DCDC2C: variants seen among roughly 807,000 people sequenced by gnomAD.
The protein encoded by DCDC2C is doublecortin domain containing 2C, also known as doublecortin domain-containing protein 2C.
Under a neutral mutation model 45.0 loss-of-function variants are expected in DCDC2C, and 44 were observed. The observed-to-expected ratio is 0.98, with a 90% confidence interval of 0.77 to 1.26. The LOEUF (loss-of-function observed/expected upper bound fraction) is 1.26, where lower values mean the gene tolerates loss of function less well. Ranked by LOEUF, DCDC2C falls within the 50% of genes most tolerant of loss-of-function variation. DCDC2C has a pLI of 0.00. For missense variants in DCDC2C, 447 were observed against 468.9 expected (o/e 0.95, Z 0.43); for synonymous variants, 187 against 178.8 (o/e 1.05, Z -0.37).
chr2:3,842,869 T>C (rs1288928241), intron 10 of DCDC2C, among the ~76,000 whole-genome samples: 3 of 152,044 alleles, frequency 2.0e-5, no homozygotes, highest in Admixed American at 6.6e-5. Context: ...TACCCAGCCA[T>C]CTCAGCCCAG....
At position 3,797,895 on chromosome 2, in the gene DCDC2C, C is replaced by G. The variant is rs1365731019; in HGVS notation, c.1065+12795C>G. On this transcript the variant is annotated intron_variant, in intron 10 of 10. Coordinates refer to ENST00000399143, the MANE Select transcript of DCDC2C (RefSeq NM_001287444.2). ...TAGATGTCTATTAGGTCCGCTCAGT[C>G]CAGAGCTGAGTTCAATTCCTGGGTA... Among the ~76,000 whole-genome samples the G allele has an allele frequency of 8.0e-4, 108 of 134,682 alleles. 1 individual carries two copies. The highest frequency in any genetic ancestry group is 1.2e-3 in the Admixed American group (15 of 12,744). 88.4% of individuals were successfully genotyped at this position (134,682 alleles called of 152,430 possible). A position where few individuals can be genotyped will look rare whatever the true frequency, so the allele number is the denominator to read the frequency against.
intron 10 of DCDC2C, among the ~76,000 whole-genome samples, chr2:3,799,149 C>T (rs1162053236): frequency 6.6e-6 from 1 of 152,170 alleles, no homozygotes; most frequent in African/African-American, 2.4e-5. Flanking sequence ...ACCCTTTCTT[C>T]CAGTTGATCG....
chr2:3,712,927 C>G (rs1668252517), intron 2 of DCDC2C, among the ~76,000 whole-genome samples: 1 of 152,184 alleles, frequency 6.6e-6, no homozygotes, highest in Non-Finnish European at 1.5e-5. Flanking sequence ...AGCATGTTTT[C>G]ACACCTATAG....
At chr2:3,766,901 G>T (rs1670027716) in intron 6 of DCDC2C, among the ~76,000 whole-genome samples, 1 of 152,228 alleles carries the variant, frequency 6.6e-6, no homozygotes, top group African/African-American at 2.4e-5. Flanking sequence ...TTGACTGTTT[G>T]ATGGTGCCAA....
chr2:3,818,518 G>A lies in DCDC2C; in HGVS notation c.1066-28636G>A, dbSNP rs1671608426. Among the ~76,000 whole-genome samples, 1 of 152,176 alleles carries A rather than the reference G, an allele frequency of 6.6e-6. No homozygotes were observed. Among genetic ancestry groups the A allele is most frequent in the Non-Finnish European group, 1.5e-5 (1 of 68,038 alleles). On this transcript the variant is annotated intron_variant, in intron 10 of 10. Coordinates refer to ENST00000399143, the MANE Select transcript of DCDC2C (RefSeq NM_001287444.2). This position sits in a 1 kb window ranked among gnomAD's most constrained non-coding sequence, Gnocchi z 4.7. The stretch of plus-strand genomic sequence containing the variant: ...GGGCAGATCCTGAACTAACATGTAA[G>A]GCTTGTCCAGTTTTTGGACAGGTAC...
At chr2:3,771,851 C>A (rs1180061385) in intron 8 of DCDC2C, among the ~76,000 whole-genome samples, 1 of 152,218 alleles carries the variant, frequency 6.6e-6, no homozygotes, top group East Asian at 1.9e-4. Flanking sequence ...ACTGGCATAC[C>A]CATGGACACA....
chr2:3,779,343 T>C (rs1670445273), intron 9 of DCDC2C, among the ~76,000 whole-genome samples: 5 of 152,192 alleles, frequency 3.3e-5, no homozygotes, highest in Admixed American at 3.3e-4. Flanking sequence ...TGTGTGCAGA[T>C]GGCAGTGGAA....
At chr2:3,735,620 C>G (rs564377657) in intron 3 of DCDC2C, among the ~76,000 whole-genome samples, 1 of 152,234 alleles carries the variant, frequency 6.6e-6, no homozygotes, top group African/African-American at 2.4e-5. Flanking sequence ...CTCAGTAAAT[C>G]CTTGAGGCAT....
intron 10 of DCDC2C, among the ~76,000 whole-genome samples, chr2:3,816,244 G>T: frequency 6.6e-6 from 1 of 152,178 alleles, no homozygotes; most frequent in East Asian, 1.9e-4. Context: ...ATAAGAGAAG[G>T]AGAAAAACAG....
chr2:3,746,814 C>G (rs1208298581), intron 4 of DCDC2C, among the ~76,000 whole-genome samples: 1 of 152,104 alleles, frequency 6.6e-6, no homozygotes, highest in African/African-American at 2.4e-5. Flanking sequence ...TGGGGGAGTT[C>G]TCAGAGCAGA....
intron 10 of DCDC2C, among the ~76,000 whole-genome samples, chr2:3,811,341 G>A (rs767930492): frequency 9.2e-5 from 14 of 152,014 alleles, no homozygotes; most frequent in Non-Finnish European, 1.0e-4. Context: ...TCTTTGTAGC[G>A]ATTGTGAATG....
chr2:3,729,734 TAAG>T (rs987241075), intron 3 of DCDC2C, among the ~76,000 whole-genome samples: 40 of 151,790 alleles, frequency 2.6e-4, no homozygotes, highest in African/African-American at 9.2e-4. Flanking sequence ...GTCAATGCTC[TAAG>T]AAGGAGAGGT....
At position 3,820,936 on chromosome 2, in the gene DCDC2C, G is replaced by A. The variant is rs1042168175; in HGVS notation, c.1066-26218G>A. 2.0e-5 allele frequency among the ~76,000 whole-genome samples: 3 copies of A among 152,266 alleles called. No individual in the cohort carries two copies. In the East Asian group the frequency reaches 5.8e-4, roughly 29 times the overall value. On this transcript the variant is annotated intron_variant, in intron 10 of 10. Coordinates refer to ENST00000399143, the MANE Select transcript of DCDC2C (RefSeq NM_001287444.2). ...TCCAGAAGGAGTCCTCCTGTCCTGG[G>A]TTTTGGGACCAAATGTCATGTGCTT...
Position 3,703,838 on chromosome 2 carries a change from G to C in DCDC2C, c.87G>C (p.Val29=). 1 of 1,273,852 alleles carries C rather than the reference G, an allele frequency of 7.9e-7. No homozygotes were observed. Among genetic ancestry groups the C allele is most frequent in the Non-Finnish European group, 9.9e-7 (1 of 1,005,512 alleles). 78.9% of individuals were successfully genotyped at this position (1,273,852 alleles called of 1,614,324 possible). ...VVYRNGDPFY[V]GKKFVLSRRR... ...ACCGCAACGGGGACCCGTTCTACGT[G>C]GGCAAGAAGTTCGTGCTGTCGCGGC... The change falls in exon 1 of 11, where the codon GTG becomes GTC. Residue 29 remains valine, a synonymous_variant. Transcript: ENST00000399143. The surrounding 1 kb of genome is among the most constrained non-coding windows in gnomAD (Gnocchi z 4.4).
chr2:3,778,605 C>T (rs1670420256), intron 8 of DCDC2C, among the ~76,000 whole-genome samples: 1 of 152,080 alleles, frequency 6.6e-6, no homozygotes, highest in Non-Finnish European at 1.5e-5. Context: ...GAGGTTTCTC[C>T]AGCAATTTTA....
intron 2 of DCDC2C, 69 bp downstream of exon 2, chr2:3,708,669 C>T (rs531112776): frequency 3.8e-5 from 47 of 1,236,956 alleles, no homozygotes; most frequent in African/African-American, 3.8e-4. Flanking sequence ...TAAATGTCGG[C>T]ACGGAATAAT....
At chr2:3,776,148 T>C (rs1299591819) in intron 8 of DCDC2C, among the ~76,000 whole-genome samples, 1 of 152,232 alleles carries the variant, frequency 6.6e-6, no homozygotes, top group Admixed American at 6.5e-5. Flanking sequence ...CTGTGTGTCA[T>C]CAACTGCTTA....
At chr2:3,743,597 A>C (rs976775063) in intron 4 of DCDC2C, among the ~76,000 whole-genome samples, 1 of 152,246 alleles carries the variant, frequency 6.6e-6, no homozygotes, top group African/African-American at 2.4e-5. Context: ...TAGGAGGAAA[A>C]TTGGAAAATT....
intron 2 of DCDC2C, among the ~76,000 whole-genome samples, chr2:3,713,357 A>G (rs1419419173): frequency 6.6e-6 from 1 of 152,194 alleles, no homozygotes; most frequent in Non-Finnish European, 1.5e-5. Context: ...AGCCAGCAGG[A>G]TGGGGCACAG....
Sources: gnomAD v4.1 joint callset for allele counts (sites outside exome capture counted in the v4.1 genomes callset) on GRCh38, gnomAD v4.1.1 for gene constraint, Gnocchi (gnomAD v3.1) non-coding constraint, MANE v1.5 for transcripts, NCBI Gene and HGNC (gene_info 2026-07-23, HGNC 2026-07-21) for gene names.